TTC7A: variants seen among roughly 807,000 people sequenced by gnomAD.
TTC7A encodes tetratricopeptide repeat domain 7A.
A neutral mutation model predicts 103.7 loss-of-function variants in TTC7A; 110 were observed. The observed-to-expected ratio is 1.06, with a 90% CI of 0.91 to 1.24. The LOEUF is 1.24. Ranked by LOEUF, TTC7A falls within the 50% of genes most tolerant of loss-of-function variation. TTC7A has a pLI of 0.00. For synonymous variants in TTC7A, 521 were observed against 467.9 expected (o/e 1.11, Z -1.47); for missense variants, 1,340 against 1,116.3 (o/e 1.20, Z -2.86).
At chr2:46,976,052 G>A (rs1226064163) in intron 4 of TTC7A, among the ~76,000 whole-genome samples, 3 of 151,910 alleles carry the variant, frequency 2.0e-5, no homozygotes, top group Admixed American at 1.3e-4. Context: ...TTTTCCCTCC[G>A]CATCTTAATA....
intron 16 of TTC7A, among the ~76,000 whole-genome samples, chr2:47,048,051 C>T (rs1281536979): frequency 6.6e-6 from 1 of 152,194 alleles, no homozygotes; most frequent in Non-Finnish European, 1.5e-5. Context: ...GCACCTTCCA[C>T]TGAACTCCCT....
At chr2:47,004,501 C>A (rs1056344501) in intron 8 of TTC7A, among the ~76,000 whole-genome samples, 1 of 152,094 alleles carries the variant, frequency 6.6e-6, no homozygotes, top group Non-Finnish European at 1.5e-5. Context: ...TGAGGGAGAT[C>A]TGGGTTTTTA....
intron 2 of TTC7A, among the ~76,000 whole-genome samples, chr2:46,925,517 C>T (rs1017186969): frequency 1.3e-5 from 2 of 152,020 alleles, no homozygotes; most frequent in Non-Finnish European, 2.9e-5. Flanking sequence ...GAGATTACAC[C>T]ACTGCACTCC....
intron 18 of TTC7A, among the ~76,000 whole-genome samples, chr2:47,056,659 A>G (rs1230277690): frequency 4.6e-5 from 7 of 152,226 alleles, no homozygotes; most frequent in African/African-American, 1.4e-4. Context: ...GCCTCTTGCA[A>G]AGCTCCAGGG....
At chr2:47,040,184 A>C (rs1681579369) in intron 15 of TTC7A, among the ~76,000 whole-genome samples, 1 of 152,176 alleles carries the variant, frequency 6.6e-6, no homozygotes, top group Non-Finnish European at 1.5e-5. Flanking sequence ...TTCTGTCTGC[A>C]CTGGGCTCCC....
intron 18 of TTC7A, among the ~76,000 whole-genome samples, chr2:47,057,788 C>T (rs775812898): frequency 6.6e-6 from 1 of 152,234 alleles, no homozygotes; most frequent in Non-Finnish European, 1.5e-5. Context: ...AGCCTTCAGG[C>T]TCCAGCTCCA....
chr2:46,973,085 A>G (rs2347260), intron 3 of TTC7A, among the ~76,000 whole-genome samples: 72,471 of 151,638 alleles, frequency 0.48, 18,599 homozygotes, highest in East Asian at 0.65. Context: ...ATGCTTTTCA[A>G]TTAACCAAAA....
At chr2:47,062,233 G>C (rs1201201148) in intron 19 of TTC7A, among the ~76,000 whole-genome samples, 1 of 152,182 alleles carries the variant, frequency 6.6e-6, no homozygotes, top group Non-Finnish European at 1.5e-5. Context: ...GCCAGACCAG[G>C]TCATCTTCAT....
Position 46,935,899 on chromosome 2 carries a change from T to G in TTC7A, c.83-14464T>G, listed in dbSNP as rs953371900. 9.2e-5 allele frequency among the ~76,000 whole-genome samples: 14 copies of G among 152,200 alleles called. No homozygotes were observed. The South Asian group carries it at 1.2e-3, about 14-fold the overall frequency. ...GTGGCCAGGAGTTTTGAGACCAGCC[T>G]GGGCAACATAGCAAGATTCAGTCTC... On this transcript the variant is annotated intron_variant, in intron 2 of 20. Coordinates refer to the TTC7A transcript ENST00000409245.
At chr2:46,942,628 G>C (rs1572676127) in intron 1 of TTC7A, among the ~76,000 whole-genome samples, 1 of 152,162 alleles carries the variant, frequency 6.6e-6, no homozygotes, top group Non-Finnish European at 1.5e-5. Flanking sequence ...CGTGAAGCAG[G>C]TACTCTTGTT....
chr2:47,045,208 G>A (rs55703291), intron 15 of TTC7A, among the ~76,000 whole-genome samples: 3,871 of 152,352 alleles, frequency 0.025, 86 homozygotes, highest in Non-Finnish European at 0.04. Context: ...CAGGCAGCTG[G>A]TTGGGTGAAA....
At chr2:47,071,048 G>A (rs1275078033) in intron 19 of TTC7A, 1 of 152,318 alleles carries the variant, frequency 6.6e-6, no homozygotes, top group South Asian at 2.1e-4. Context: ...CCATCTCCCA[G>A]GAGGCCTGTT....
intron 8 of TTC7A, among the ~76,000 whole-genome samples, chr2:47,000,083 T>C (rs1676639357): frequency 6.6e-6 from 1 of 152,334 alleles, no homozygotes; most frequent in East Asian, 1.9e-4. Flanking sequence ...TGTATGACTT[T>C]GGTGAATTAA....
At chr2:46,948,539 G>A (rs761723935) in intron 1 of TTC7A, among the ~76,000 whole-genome samples, 8 of 152,132 alleles carry the variant, frequency 5.3e-5, no homozygotes, top group Admixed American at 1.3e-4. Flanking sequence ...ACCCCCCTGC[G>A]ATGGTGTTCT....
rs775545154 is a variant in TTC7A, at chr2:47,060,988, C to T, written c.2355+17C>T. 1.8e-5 allele frequency: 28 copies of T among 1,574,388 alleles called. No homozygotes were observed. The highest frequency in any genetic ancestry group is 2.7e-5 in the African/African-American group (2 of 74,338). ...CATAGCCTGGTGAGTCAGAGCCCCC[C>T]GCGCTCCCACCACCTCCTCCCACAG... is the stretch of plus-strand genomic sequence containing the variant. On this transcript the variant is annotated intron_variant, in intron 19 of 19. Transcript: ENST00000319190.
chr2:46,966,085 G>A (rs1320935680), intron 3 of TTC7A, among the ~76,000 whole-genome samples: 2 of 151,914 alleles, frequency 1.3e-5, no homozygotes, highest in Non-Finnish European at 2.9e-5. Context: ...GAGTAGCTGG[G>A]TTTACAGGCA....
chr2:46,950,503 A>G lies in TTC7A; in HGVS notation c.325A>G (p.Ile109Val), dbSNP rs1314735327. Reference protein sequence around the residue: ...MSEAKNYLSSILNHGRLSPQY... With the variant: ...MSEAKNYLSSVLNHGRLSPQY... ...CGAAGCCAAAAATTATCTAAGCAGT[A>G]TCCTTAACCATGGGAGGCTCTCGGT... Residue 109 changes from isoleucine to valine, a missense_variant, in exon 2 of 20, where the codon ATC (isoleucine) becomes GTC (valine). Coordinates refer to ENST00000319190, the MANE Select transcript of TTC7A (RefSeq NM_020458.4). The G allele has an allele frequency of 5.6e-6, 9 of 1,614,184 alleles. No homozygotes were observed. Among genetic ancestry groups the G allele is most frequent in the Non-Finnish European group, 6.8e-6 (8 of 1,180,026 alleles).
intron 11 of TTC7A, among the ~76,000 whole-genome samples, chr2:47,014,453 C>T (rs1013511679): frequency 3.9e-5 from 6 of 152,316 alleles, no homozygotes; most frequent in Admixed American, 6.5e-5. Context: ...CCACAAATTT[C>T]GTGTTTGAGC....
intron 5 of TTC7A, among the ~76,000 whole-genome samples, chr2:46,988,106 G>A (rs1445017692): frequency 6.6e-6 from 1 of 152,078 alleles, no homozygotes; most frequent in Non-Finnish European, 1.5e-5. Flanking sequence ...ATGCTTTGGG[G>A]CAGAGGGTAA....
Sources: gnomAD v4.1 joint callset for allele counts (sites outside exome capture counted in the v4.1 genomes callset) on GRCh38, gnomAD v4.1.1 for gene constraint, MANE v1.5 for transcripts, NCBI Gene and HGNC (gene_info 2026-07-23, HGNC 2026-07-21) for gene names.